The following UBE2U variants were observed in gnomAD, a reference collection of about 807,000 sequenced individuals.
The protein encoded by UBE2U is ubiquitin conjugating enzyme E2 U.
In UBE2U, 39 loss-of-function variants were observed where a neutral mutation model predicts 41.2. The ratio of observed to expected loss-of-function variants is 0.95; its 90% confidence interval spans 0.73 to 1.24. UBE2U has a LOEUF of 1.24. Among genes scored for constraint, UBE2U ranks in the 50% most tolerant of loss-of-function variants. The probability of loss-of-function intolerance (pLI) is 0.00; values close to 1 mark genes in which losing one functional copy is unlikely to be tolerated. For missense variants in UBE2U, 336 were observed against 363.1 expected, an observed-to-expected ratio of 0.93 and a Z score of 0.61; for synonymous variants, 107 against 117.8, an observed-to-expected ratio of 0.91 and a Z score of 0.60.
In UBE2U at chr1:64,239,193, A is replaced by AAG. The variant is rs1557731681; in HGVS notation, c.596-2459_596-2458insAG. Among the ~76,000 whole-genome samples the AAG allele has an allele frequency of 9.6e-5, 13 of 134,994 alleles. No homozygotes were observed. The East Asian group carries it at 3.1e-3, about 32-fold the overall frequency. 88.6% of individuals were successfully genotyped at this position (134,994 alleles called of 152,430 possible). On this transcript the variant is annotated intron_variant, in intron 7 of 9. Transcript: ENST00000371077. ...AGAAGAAGAAGAAGAAGAAGAAGAA[A>AAG]GCCCCAGACAAGGACAAGACTGGTG...
chr1:64,207,078 T>C (rs1651341624), intron 3 of UBE2U, among the ~76,000 whole-genome samples: 1 of 152,256 alleles, frequency 6.6e-6, no homozygotes, highest in Admixed American at 6.5e-5. Flanking sequence ...TCCTTTTTTC[T>C]AAGTATGAAT....
At chr1:64,245,937 CAT>C (rs1644913681) in intron 8 of UBE2U, among the ~76,000 whole-genome samples, 1 of 152,120 alleles carries the variant, frequency 6.6e-6, no homozygotes, top group African/African-American at 2.4e-5. Flanking sequence ...TACTGATAAA[CAT>C]AAATTTTATT....
intron 5 of UBE2U, 124 bp downstream of exon 5, chr1:64,215,056 A>G (rs1484076334): frequency 1.6e-6 from 1 of 640,470 alleles, no homozygotes; most frequent in African/African-American, 1.8e-5. Flanking sequence ...AACATGGAGA[A>G]ACCCTGTCTC....
At chr1:64,224,180 G>C (rs1652692833) in intron 6 of UBE2U, among the ~76,000 whole-genome samples, 1 of 152,090 alleles carries the variant, frequency 6.6e-6, no homozygotes, top group African/African-American at 2.4e-5. Flanking sequence ...TGTAACTTTT[G>C]CATTTCATAT....
Position 64,259,746 on chromosome 1 carries a change from C to G in UBE2U, c.678-857C>G, listed in dbSNP as rs569528992. Among the ~76,000 whole-genome samples, 6 of 152,064 alleles carry G rather than the reference C, an allele frequency of 3.9e-5. No homozygotes were observed. The South Asian group carries it at 1.2e-3, about 32-fold the overall frequency. On this transcript the variant is annotated intron_variant, in intron 8 of 9. Transcript: ENST00000371077. ...TGATTTCCATATGTAAACTCTTTCTCCAAGGAAATGCTCTAATAGCTTGAC... is the reference window on the plus strand; with the variant it reads ...TGATTTCCATATGTAAACTCTTTCTGCAAGGAAATGCTCTAATAGCTTGAC...
At chr1:64,245,082 A>T (rs1173047398) in intron 8 of UBE2U, among the ~76,000 whole-genome samples, 5 of 152,152 alleles carry the variant, frequency 3.3e-5, no homozygotes, top group Non-Finnish European at 7.3e-5. Context: ...TTTATGCAAA[A>T]TCTCTAATTT....
chr1:64,266,322 C>G (rs899853298), intron 9 of UBE2U, among the ~76,000 whole-genome samples: 8 of 152,150 alleles, frequency 5.3e-5, no homozygotes, highest in African/African-American at 1.9e-4. Context: ...TCCAGCTCCA[C>G]GAAACTTTCT....
intron 8 of UBE2U, among the ~76,000 whole-genome samples, chr1:64,257,446 A>T (rs1369745022): frequency 6.6e-6 from 1 of 152,146 alleles, no homozygotes; most frequent in Non-Finnish European, 1.5e-5. Flanking sequence ...AAAGAACGAG[A>T]TCATGTCCTT....
intron 7 of UBE2U, among the ~76,000 whole-genome samples, chr1:64,238,677 A>T (rs1228591497): frequency 6.6e-6 from 1 of 152,130 alleles, no homozygotes; most frequent in African/African-American, 2.4e-5. Context: ...GAAACTATTC[A>T]GTTAAAAATT....
chr1:64,264,576 G>A (rs1477415340), intron 9 of UBE2U, among the ~76,000 whole-genome samples: 1 of 152,194 alleles, frequency 6.6e-6, no homozygotes, highest in Admixed American at 6.5e-5. Flanking sequence ...AAATAGTCAA[G>A]GTGGTTGATT....
Position 64,239,045 on chromosome 1 carries a change from AAAGAAGAAGAAGAAGAAGAAGAGG to A in UBE2U, c.596-2602_596-2579del, listed in dbSNP as rs1644725620. Among the ~76,000 whole-genome samples, 9 of 116,242 alleles carry A rather than the reference AAAGAAGAAGAAGAAGAAGAAGAGG, an allele frequency of 7.7e-5. No individual in the cohort carries two copies. The South Asian group carries it at 2.6e-3, about 33-fold the overall frequency. 76.3% of individuals were successfully genotyped at this position (116,242 alleles called of 152,430 possible). A position where few individuals can be genotyped will look rare whatever the true frequency, so the allele number is the denominator to read the frequency against. On this transcript the variant is annotated intron_variant, in intron 7 of 9. Coordinates refer to ENST00000371077, the MANE Select transcript of UBE2U (RefSeq NM_001366232.2). ...TGACAAAGTGAGACCCCCATCTCAA[AAAGAAGAAGAAGAAGAAGAAGAGG>A]AAGAGGAAGAGGAAGAGGAAGAGGA... is the stretch of plus-strand genomic sequence containing the variant.
chr1:64,207,585 T>C lies in UBE2U; in HGVS notation c.241+729T>C, dbSNP rs369931289. 1.8e-4 allele frequency among the ~76,000 whole-genome samples: 28 copies of C among 152,172 alleles called. 2 individuals carry two copies. The highest frequency in any genetic ancestry group is 1.3e-3 in the East Asian group (7 of 5,204). On this transcript the variant is annotated intron_variant, in intron 3 of 9. Coordinates refer to ENST00000371077, the MANE Select transcript of UBE2U (RefSeq NM_001366232.2). ...AGTTGGATCTAATTTTTCATTATTATAAAAAAACGATGCACTGGACAGATT... is the reference window on the plus strand; with the variant it reads ...AGTTGGATCTAATTTTTCATTATTACAAAAAAACGATGCACTGGACAGATT...
chr1:64,257,840 ATAAAAT>A (rs909400109), intron 8 of UBE2U, among the ~76,000 whole-genome samples: 1 of 151,712 alleles, frequency 6.6e-6, no homozygotes, highest in Non-Finnish European at 1.5e-5. Context: ...AACTTTTCAA[ATAAAAT>A]TAAAATTAAA....
chr1:64,215,820 C>T (rs113120916), intron 5 of UBE2U, among the ~76,000 whole-genome samples: 40 of 151,584 alleles, frequency 2.6e-4, no homozygotes, highest in Middle Eastern at 6.8e-3. Context: ...CCCCTGTGCG[C>T]TCTCTCTCTC....
chr1:64,206,910 T>C, intron 3 of UBE2U, 54 bp downstream of exon 3: 2 of 996,542 alleles, frequency 2.0e-6, no homozygotes, highest in Non-Finnish European at 1.5e-6. Flanking sequence ...ATTATCCTTG[T>C]TTCTTATAAT....
chr1:64,255,611 G>A (rs1006535252), intron 8 of UBE2U, among the ~76,000 whole-genome samples: 1 of 152,058 alleles, frequency 6.6e-6, no homozygotes, highest in East Asian at 1.9e-4. Flanking sequence ...TGCAAGGTTG[G>A]CTCAACATAC....
chr1:64,206,115 T>C (rs1651282804), intron 2 of UBE2U, among the ~76,000 whole-genome samples: 1 of 152,122 alleles, frequency 6.6e-6, no homozygotes, highest in Non-Finnish European at 1.5e-5. Flanking sequence ...TTTATGATTT[T>C]CCCCCAAATT....
intron 6 of UBE2U, among the ~76,000 whole-genome samples, chr1:64,227,024 G>C (rs1652919986): frequency 6.6e-6 from 1 of 152,274 alleles, no homozygotes; most frequent in Admixed American, 6.5e-5. Context: ...AAAGGGAAAA[G>C]CCGTAAAATT....
chr1:64,260,330 T>A (rs1645161919), intron 8 of UBE2U, among the ~76,000 whole-genome samples: 1 of 152,156 alleles, frequency 6.6e-6, no homozygotes, highest in African/African-American at 2.4e-5. Context: ...CACATGATGT[T>A]TTTATTACTT....
Sources: gnomAD v4.1 joint callset for allele counts (sites outside exome capture counted in the v4.1 genomes callset) on GRCh38, gnomAD v4.1.1 for gene constraint, MANE v1.5 for transcripts, NCBI Gene and HGNC (gene_info 2026-07-23, HGNC 2026-07-21) for gene names.